The following UBR4 variants were observed in gnomAD, a reference collection of about 807,000 sequenced individuals.
UBR4 encodes ubiquitin protein ligase E3 component n-recognin 4.
In UBR4, 124 loss-of-function variants were observed where a neutral mutation model predicts 575.6. The observed-to-expected ratio is 0.22, with a 90% CI of 0.19 to 0.25. The LOEUF is 0.25. UBR4 is among the 10% of genes least tolerant of loss of function. The pLI, the probability that UBR4 is intolerant of heterozygous loss-of-function variation, is 1.00. For missense variants in UBR4, 4,818 were observed against 6,478.8 expected, an observed-to-expected ratio of 0.74 and a Z score of 8.80; for synonymous variants, 2,455 against 2,473.7, an observed-to-expected ratio of 0.99 and a Z score of 0.22.
At chr1:19,185,025 A>T in intron 15 of UBR4, 74 bp downstream of exon 15, 1 of 1,575,374 alleles carries the variant, frequency 6.3e-7, no homozygotes, top group Non-Finnish European at 8.7e-7. Flanking sequence ...AAATGTTTGC[A>T]TTCAAATTAT....
Position 19,122,971 on chromosome 1 carries a change from C to T in UBR4, c.9678G>A (p.Gln3226=), listed in dbSNP as rs1011939917. Residue 3226 remains glutamine, a synonymous_variant, in exon 66 of 106, where the codon CAG becomes CAA. Coordinates refer to ENST00000375254, the MANE Select transcript of UBR4 (RefSeq NM_020765.3). ...AGTCCAGGGTGTGCAAATCCCGGAG[C>T]TGGCGGTACTTCTCTTTGGATCCAC... ...FICGSKEKYR[Q]LRDLHTLDSH... 6.2e-7 allele frequency: 1 copy of T among 1,614,204 alleles called. No homozygotes were observed. The highest frequency in any genetic ancestry group is 8.5e-7 in the Non-Finnish European group (1 of 1,180,038).
At chr1:19,085,832 G>A (rs1310587002) in intron 101 of UBR4, among the ~76,000 whole-genome samples, 1 of 152,200 alleles carries the variant, frequency 6.6e-6, no homozygotes, top group African/African-American at 2.4e-5. Context: ...CAAGGACCAA[G>A]TTGGCCCCAC....
chr1:19,086,806 C>T lies in UBR4; in HGVS notation c.14560G>A (p.Gly4854Ser). The T allele has an allele frequency of 6.2e-7, 1 of 1,614,148 alleles. No individual in the cohort carries two copies. Among genetic ancestry groups the T allele is most frequent in the South Asian group, 1.1e-5 (1 of 91,082 alleles). ...ACCCGCTTCGTGAAGGTATAAATGC[C>T]CAGGACCTTTGTGGGCTGCAAAGAC... Reference protein sequence around the residue: ...GYKFQPTKVLGIYTFTKRVAL... With the variant: ...GYKFQPTKVLSIYTFTKRVAL... The change falls in exon 100 of 106, where the codon GGC (glycine) becomes AGC (serine). Residue 4854 changes from glycine to serine, a missense_variant. Gly to Ser is a moderately conservative substitution (Grantham distance 56, BLOSUM62 0). Transcript: ENST00000375254.
chr1:19,202,670 C>T (rs1571832648), intron 1 of UBR4, among the ~76,000 whole-genome samples: 1 of 152,026 alleles, frequency 6.6e-6, no homozygotes, highest in East Asian at 1.9e-4. Flanking sequence ...CATCCCTTAT[C>T]CTTAGCTGGG....
chr1:19,108,061 T>C (rs1389241481), intron 81 of UBR4, among the ~76,000 whole-genome samples: 4 of 152,200 alleles, frequency 2.6e-5, no homozygotes, highest in African/African-American at 4.8e-5. Flanking sequence ...CATACAGATA[T>C]ACAGTTGGAA....
Position 19,150,736 on chromosome 1 carries a change from C to A in UBR4, c.7271G>T (p.Gly2424Val), listed in dbSNP as rs148654059. 21 of 1,613,902 alleles carry A rather than the reference C, an allele frequency of 1.3e-5. No individual in the cohort carries two copies. The highest frequency in any genetic ancestry group is 1.7e-5 in the Non-Finnish European group (20 of 1,179,992). The change falls in exon 49 of 106, where the codon GGC (glycine) becomes GTC (valine). Residue 2424 changes from glycine (G) to valine (V), a missense_variant. This residue lies in a region of UBR4 where 340 missense variants were observed against 375.4 expected (regional missense o/e 0.91). Coordinates refer to ENST00000375254, the MANE Select transcript of UBR4 (RefSeq NM_020765.3). ...VTMIDAVKIY[G>V]KTKEQFGWPD... is the part of the protein sequence containing the mutation. ...CCAGCCAAACTGCTCCTTAGTCTTG[C>A]CATAAATTTTTACAGCATCTATCAT...
Position 19,104,101 on chromosome 1 carries a change from A to G in UBR4, c.12884T>C (p.Leu4295Pro). 6.2e-7 allele frequency: 1 copy of G among 1,614,234 alleles called. No individual in the cohort carries two copies. Among genetic ancestry groups the G allele is most frequent in the Non-Finnish European group, 8.5e-7 (1 of 1,180,024 alleles). The change falls in exon 87 of 106, where the codon CTG becomes CCG. Residue 4295 changes from leucine (L) to proline (P), a missense_variant. Leu to Pro is a moderately conservative substitution (Grantham distance 98). This residue lies in a region of UBR4 where 105 missense variants were observed against 232.8 expected (regional missense o/e 0.45). Coordinates refer to ENST00000375254, the MANE Select transcript of UBR4 (RefSeq NM_020765.3). Reference protein sequence around the residue: ...DETQDMLLEMLEDMTTGTESE... With the variant: ...DETQDMLLEMPEDMTTGTESE... ...AGTGCTACCTGTGGTCATGTCCTCCAGCATCTCCAGCAGCATGTCCTGCGT... is the reference window on the plus strand; with the variant it reads ...AGTGCTACCTGTGGTCATGTCCTCCGGCATCTCCAGCAGCATGTCCTGCGT...
At chr1:19,107,436 T>C (rs2079338688) in intron 81 of UBR4, among the ~76,000 whole-genome samples, 1 of 152,114 alleles carries the variant, frequency 6.6e-6, no homozygotes. Context: ...TATTACGGAC[T>C]CCAGAGAGCT....
intron 94 of UBR4, among the ~76,000 whole-genome samples, 196 bp downstream of exon 94, chr1:19,094,710 T>C (rs575144342): frequency 2.0e-5 from 3 of 152,234 alleles, no homozygotes; most frequent in South Asian, 2.1e-4. Flanking sequence ...TCCTTAGCAA[T>C]TGTGCTTGCT....
chr1:19,192,851 C>T (rs1479265388), intron 9 of UBR4, among the ~76,000 whole-genome samples: 2 of 151,994 alleles, frequency 1.3e-5, no homozygotes, highest in South Asian at 4.2e-4. Context: ...GGCGTGATCC[C>T]GGCTCACTGA....
rs1318206561 is a variant in UBR4, at chr1:19,112,361, C to T, written c.11801+163G>A. 2.3e-5 allele frequency: 18 copies of T among 778,172 alleles called. No individual in the cohort carries two copies. The South Asian group carries it at 3.4e-4, about 15-fold the overall frequency. The allele number at this position is 778,172 out of a possible 1,614,324, so 48.2% of individuals were successfully genotyped here. A position where few individuals can be genotyped will look rare whatever the true frequency, so the allele number is the denominator to read the frequency against. On this transcript the variant is annotated intron_variant, in intron 78 of 105. Transcript: ENST00000375254. ...CCTGGGTTTCAATGCTCCCCAAGCT[C>T]GCTCACCTACACCCTGTGTCTCTTT...
In UBR4 at chr1:19,078,015, G is replaced by T; in HGVS notation, c.15285C>A (p.Leu5095=). ...AAATGAGATCGACGAGGGCCCAAAA[G>T]AGAAGGGAAGAACGGTAAGCGGAAT... The part of the protein sequence containing the change: ...KDYSAYRSSL[L]FWALVDLIYN... Residue 5095 remains leucine, a synonymous_variant, in exon 104 of 106, where the codon CTC becomes CTA. Transcript: ENST00000375254. 6.2e-7 allele frequency: 1 copy of T among 1,614,092 alleles called. No individual in the cohort carries two copies. Among genetic ancestry groups the T allele is most frequent in the Non-Finnish European group, 8.5e-7 (1 of 1,180,008 alleles).
chr1:19,157,971 A>C lies in UBR4; in HGVS notation c.5604T>G (p.Gly1868=). ...AATTCATCCGCACATTCTCAAAGGC[A>C]CCTTCCTGGGACCCTAAGGTGGGAA... ...LMVPTLGSQE[G]AFENVRMNYS... Residue 1868 remains glycine, a synonymous_variant, in exon 40 of 106, where the codon GGT becomes GGG. Coordinates refer to ENST00000375254, the MANE Select transcript of UBR4 (RefSeq NM_020765.3). This position sits in a 1 kb window ranked among gnomAD's most constrained non-coding sequence, Gnocchi z 4.4. 1 of 1,613,552 alleles carries C rather than the reference A, an allele frequency of 6.2e-7. No individual in the cohort carries two copies. Among genetic ancestry groups the C allele is most frequent in the Non-Finnish European group, 8.5e-7 (1 of 1,179,468 alleles).
In UBR4 at chr1:19,141,704, G is replaced by A; in HGVS notation, c.8253C>T (p.His2751=). Residue 2751 remains histidine (H), a synonymous_variant, in exon 56 of 106, where the codon CAC becomes CAT. Transcript: ENST00000375254. ...TCTGTTCCTGGCTTTCCTGACGGAT[G>A]TGACCACCATTCGGGATCCCTGATG... ...MQSSGIPNGG[H]IRQESQEQSE... The A allele has an allele frequency of 1.9e-6, 3 of 1,614,216 alleles. No homozygotes were observed. The highest frequency in any genetic ancestry group is 2.5e-6 in the Non-Finnish European group (3 of 1,180,044).
At chr1:19,078,361 G>C (rs1433262379) in intron 103 of UBR4, 1 of 300,200 alleles carries the variant, frequency 3.3e-6, no homozygotes, top group African/African-American at 2.2e-5. Flanking sequence ...GGCAGACGTG[G>C]CAAATGCAAG....
chr1:19,128,080 C>G, intron 62 of UBR4, 131 bp downstream of exon 62: 1 of 888,600 alleles, frequency 1.1e-6, no homozygotes, highest in Non-Finnish European at 1.8e-6. Context: ...TTTGTTGACT[C>G]AACAGAATGC....
At chr1:19,183,771 G>A in intron 17 of UBR4, 40 bp downstream of exon 17, 1 of 1,588,268 alleles carries the variant, frequency 6.3e-7, no homozygotes, top group East Asian at 2.2e-5. Context: ...GGAAGCTGGT[G>A]TCATGAGCTC....
At chr1:19,193,660 G>T in intron 8 of UBR4, 103 bp from the exon 9 acceptor site, 1 of 1,423,266 alleles carries the variant, frequency 7.0e-7, no homozygotes, top group Non-Finnish European at 9.4e-7. Flanking sequence ...TCCATGATTT[G>T]ACTACTTAAA....
At chr1:19,128,178 T>G in intron 62 of UBR4, 33 bp downstream of exon 62, 2 of 1,585,968 alleles carry the variant, frequency 1.3e-6, no homozygotes, top group Middle Eastern at 1.7e-4. Flanking sequence ...CAGCCAATCC[T>G]GTTTCTCACA....
Sources: gnomAD v4.1 joint callset for allele counts (sites outside exome capture counted in the v4.1 genomes callset) on GRCh38, gnomAD v4.1.1 for gene constraint, gnomAD v4.1.1 regional missense constraint, Gnocchi (gnomAD v3.1) non-coding constraint, MANE v1.5 for transcripts, NCBI Gene and HGNC (gene_info 2026-07-23, HGNC 2026-07-21) for gene names.